Variants in RPP30 observed in about 807,000 individuals in gnomAD.
RPP30 encodes the protein ribonuclease P/MRP subunit p30, also known as ribonuclease P protein subunit p30.
RPP30 carries 36 observed loss-of-function variants against 38.6 expected under a neutral mutation model. The observed-to-expected ratio is 0.93, with a 90% CI of 0.71 to 1.23. The LOEUF (loss-of-function observed/expected upper bound fraction) is 1.23, where lower values mean the gene tolerates loss of function less well. Among genes scored for constraint, RPP30 ranks in the 50% most tolerant of loss-of-function variants. RPP30 has a pLI of 0.00. For missense variants in RPP30, 321 were observed against 321.7 expected, an observed-to-expected ratio of 1.00 and a Z score of 0.02; for synonymous variants, 126 against 112.7, an observed-to-expected ratio of 1.12 and a Z score of -0.75.
intron 6 of RPP30, among the ~76,000 whole-genome samples, chr10:90,891,416 C>T (rs1263086705): frequency 1.3e-5 from 2 of 152,196 alleles, no homozygotes; most frequent in Admixed American, 1.3e-4. Flanking sequence ...TTCATCTTAA[C>T]TAATTACATC....
At chr10:90,886,415 T>C (rs921458556) in intron 6 of RPP30, among the ~76,000 whole-genome samples, 4 of 152,214 alleles carry the variant, frequency 2.6e-5, no homozygotes, top group South Asian at 4.1e-4. Context: ...TGGCCATGTG[T>C]TCAGAAAACT....
At chr10:90,872,391 C>T (rs1846790516) in intron 1 of RPP30, among the ~76,000 whole-genome samples, 1 of 152,206 alleles carries the variant, frequency 6.6e-6, no homozygotes, top group Non-Finnish European at 1.5e-5. Context: ...TTCTAAGCTT[C>T]TAAGTTACTA....
intron 6 of RPP30, among the ~76,000 whole-genome samples, chr10:90,892,369 AT>A (rs1190292942): frequency 1.3e-5 from 2 of 152,232 alleles, no homozygotes; most frequent in Non-Finnish European, 1.5e-5. Flanking sequence ...ATAGCACATT[AT>A]TTTTAATTTT....
exon 5 of RPP30, chr10:90,908,338 A>C (rs1370880934): frequency 1.3e-5 from 2 of 152,146 alleles, no homozygotes; most frequent in African/African-American, 2.4e-5. Flanking sequence ...GACCTGGCCT[A>C]GCACCTGGCC....
At chr10:90,906,103 T>C (rs889638428), downstream of RPP30, 1 of 152,234 alleles carries the variant, frequency 6.6e-6, no homozygotes, top group African/African-American at 2.4e-5. Context: ...TACTCATTTC[T>C]GTATTGGCAT....
At position 90,900,604 on chromosome 10, in the gene RPP30, A is replaced by G; in HGVS notation, c.732A>G (p.Thr244=). The G allele has an allele frequency of 6.2e-7, 1 of 1,613,668 alleles. No homozygotes were observed. The highest frequency in any genetic ancestry group is 8.5e-7 in the Non-Finnish European group (1 of 1,179,784). The change falls in exon 11 of 11, where the codon ACA becomes ACG. Residue 244 remains threonine (T), a synonymous_variant. Transcript: ENST00000371703. ...TRKTAFGIIS[T]VKKPRPSEGD... Reference sequence around the variant, plus strand: ...AAACTGCTTTTGGAATTATCTCTACAGTGAAGAAACCTCGGCCATCAGAAG... The same window carrying G: ...AAACTGCTTTTGGAATTATCTCTACGGTGAAGAAACCTCGGCCATCAGAAG...
intron 8 of RPP30, 22 bp from the exon 9 acceptor site, chr10:90,895,858 C>T: frequency 6.4e-7 from 1 of 1,560,030 alleles, no homozygotes; most frequent in Non-Finnish European, 8.8e-7. Flanking sequence ...CTCATATCTA[C>T]TCTTTGTTCA....
chr10:90,885,686 T>C, intron 5 of RPP30, 126 bp from the exon 6 acceptor site: 1 of 658,294 alleles, frequency 1.5e-6, no homozygotes. Context: ...GTCAGATGTA[T>C]TTCAACACAG....
intron 3 of RPP30, 126 bp downstream of exon 3, chr10:90,875,740 G>T: frequency 5.0e-6 from 4 of 792,360 alleles, no homozygotes; most frequent in Non-Finnish European, 8.6e-6. Flanking sequence ...TTTTCCTCAA[G>T]GCTCAGCTCT....
At position 90,896,366 on chromosome 10, in the gene RPP30, A is replaced by ACTGCCGAGCAGCG. The variant is rs758721538; in HGVS notation, c.674_686dup (p.Leu230ProfsTer10). Reference sequence around the variant, plus strand: ...GACGCCAAGGCTGCGGTGTCCACCAACTGCCGAGCAGCGCTTCTCCATGGA... The same window carrying ACTGCCGAGCAGCG: ...GACGCCAAGGCTGCGGTGTCCACCAACTGCCGAGCAGCGCTGCCGAGCAGCGCTTCTCCATGGA... On this transcript the variant is annotated frameshift_variant, in exon 10 of 11. Coordinates refer to ENST00000371703, the MANE Select transcript of RPP30 (RefSeq NM_006413.5). LOFTEE classifies it high-confidence loss of function. 21 of 1,614,016 alleles carry ACTGCCGAGCAGCG rather than the reference A, an allele frequency of 1.3e-5. No individual in the cohort carries two copies. The highest frequency in any genetic ancestry group is 1.7e-5 in the Non-Finnish European group (20 of 1,179,968).
chr10:90,895,461 T>G lies in RPP30; in HGVS notation c.557T>G (p.Ile186Ser). The G allele has an allele frequency of 7.0e-7, 1 of 1,425,106 alleles. No individual in the cohort carries two copies. The highest frequency in any genetic ancestry group is 1.8e-4 in the Middle Eastern group (1 of 5,446). 88.3% of individuals were successfully genotyped at this position (1,425,106 alleles called of 1,614,324 possible). A position where few individuals can be genotyped will look rare whatever the true frequency, so the allele number is the denominator to read the frequency against. ...LMQICKGKNV[I>S]ISSAAERPLE... is the part of the protein sequence containing the mutation. ...TCACTTTCTATTTTGTAGAATGTAATTATATCTAGTGCTGCAGAAAGGGTA... is the reference window on the plus strand; with the variant it reads ...TCACTTTCTATTTTGTAGAATGTAAGTATATCTAGTGCTGCAGAAAGGGTA... The change falls in exon 8 of 11, where the codon ATT becomes AGT. Residue 186 changes from isoleucine (I) to serine (S), a missense_variant. Ile to Ser is a moderately radical substitution (Grantham distance 142). Coordinates refer to ENST00000371703, the MANE Select transcript of RPP30 (RefSeq NM_006413.5).
downstream of RPP30, among the ~76,000 whole-genome samples, chr10:90,906,997 G>C (rs1002131797): frequency 6.6e-6 from 1 of 152,160 alleles, no homozygotes; most frequent in Non-Finnish European, 1.5e-5. Context: ...AAATAACTAA[G>C]AGTTGTCTTA....
At chr10:90,907,165 A>G (rs1480954290), downstream of RPP30, among the ~76,000 whole-genome samples, 5 of 152,330 alleles carry the variant, frequency 3.3e-5, no homozygotes, top group Non-Finnish European at 5.9e-5. Context: ...GGCAGATACC[A>G]TAAAGAAAAG....
At position 90,894,795 on chromosome 10, in the gene RPP30, T is replaced by A. The variant is rs764161944; in HGVS notation, c.453T>A (p.Ala151=). The change falls in exon 7 of 11, where the codon GCT becomes GCA. Residue 151 remains alanine (A), a synonymous_variant. Transcript: ENST00000371703. ...PINVAIDRGL[A]FELVYSPAIK... is the part of the protein sequence containing the mutation. ...TGAAGGCGATTGACCGAGGCCTGGCTTTTGAACTTGTCTATAGCCCTGCTA... is the reference window on the plus strand; with the variant it reads ...TGAAGGCGATTGACCGAGGCCTGGCATTTGAACTTGTCTATAGCCCTGCTA... The A allele has an allele frequency of 5.6e-6, 9 of 1,613,086 alleles. No individual in the cohort carries two copies. In the African/African-American group the frequency reaches 1.1e-4, roughly 19 times the overall value.
chr10:90,891,565 A>G (rs1304383670), intron 6 of RPP30, among the ~76,000 whole-genome samples: 2 of 152,212 alleles, frequency 1.3e-5, no homozygotes, highest in African/African-American at 4.8e-5. Flanking sequence ...CTACAGATAC[A>G]CTGAAACCAC....
At chr10:90,907,158 A>G (rs552492986), downstream of RPP30, among the ~76,000 whole-genome samples, 3 of 152,356 alleles carry the variant, frequency 2.0e-5, no homozygotes, top group East Asian at 5.8e-4. Flanking sequence ...GATTTGAGGC[A>G]GATACCATAA....
At chr10:90,903,086 C>T, downstream of RPP30, 1 of 700,348 alleles carries the variant, frequency 1.4e-6, no homozygotes, top group Non-Finnish European at 2.6e-6. Context: ...TTACAAAGAA[C>T]TGCTGTCAAA....
chr10:90,906,530 C>T (rs996546853), downstream of RPP30, among the ~76,000 whole-genome samples: 2 of 152,090 alleles, frequency 1.3e-5, no homozygotes, highest in African/African-American at 4.8e-5. Context: ...GTGAAGCCAT[C>T]GAAGGGTTGA....
intron 5 of RPP30, among the ~76,000 whole-genome samples, chr10:90,881,772 G>C (rs1846930699): frequency 6.6e-6 from 1 of 152,056 alleles, no homozygotes; most frequent in African/African-American, 2.4e-5. Context: ...TATTTATTTT[G>C]TTTGTAAGTT....
Sources: gnomAD v4.1 joint callset for allele counts (sites outside exome capture counted in the v4.1 genomes callset) on GRCh38, gnomAD v4.1.1 for gene constraint, MANE v1.5 for transcripts, NCBI Gene and HGNC (gene_info 2026-07-23, HGNC 2026-07-21) for gene names.